ABHD17B: variants seen among roughly 807,000 people sequenced by gnomAD.
ABHD17B encodes abhydrolase domain containing 17B, depalmitoylase.
ABHD17B carries 9 observed loss-of-function variants against 26.2 expected under a neutral mutation model. That is an observed-to-expected ratio of 0.34 (90% CI 0.21 to 0.60). The LOEUF is 0.60. Among genes scored for constraint, ABHD17B ranks in the 20% least tolerant of loss-of-function variants. The pLI is 0.80. For synonymous variants in ABHD17B, 127 were observed against 122.3 expected, an observed-to-expected ratio of 1.04 and a Z score of -0.25; for missense variants, 224 against 352.1, an observed-to-expected ratio of 0.64 and a Z score of 2.91.
chr9:71,904,741 G>A (rs567008642), intron 1 of ABHD17B, among the ~76,000 whole-genome samples: 2 of 152,164 alleles, frequency 1.3e-5, no homozygotes, highest in South Asian at 4.1e-4. Context: ...AACAGGTAAA[G>A]TAAAAAAGAG....
chr9:71,865,693 T>A lies in ABHD17B; in HGVS notation c.*1094A>T. 1.5e-6 allele frequency: 1 copy of A among 666,816 alleles called. No individual in the cohort carries two copies. Among genetic ancestry groups the A allele is most frequent in the Non-Finnish European group, 1.9e-6 (1 of 539,444 alleles). 41.3% of individuals were successfully genotyped at this position (666,816 alleles called of 1,614,324 possible). On this transcript the variant is annotated 3_prime_UTR_variant, in exon 4 of 4. Transcript: ENST00000333421. ...CTGATCAACATGGCAAAACCCTGTC[T>A]CTACTAAAAATACAAAAATTAGCCA... is the stretch of plus-strand genomic sequence containing the variant.
chr9:71,881,778 C>T (rs979728953), intron 1 of ABHD17B, among the ~76,000 whole-genome samples: 1 of 151,736 alleles, frequency 6.6e-6, no homozygotes, highest in African/African-American at 2.4e-5. Context: ...CCCAGCTACT[C>T]GGGAGGCTGA....
intron 1 of ABHD17B, among the ~76,000 whole-genome samples, chr9:71,882,440 CCT>C (rs1368023979): frequency 5.9e-5 from 9 of 152,144 alleles, no homozygotes; most frequent in Admixed American, 6.5e-5. Flanking sequence ...GGGAGAATCC[CCT>C]GAGTTCAGGA....
intron 1 of ABHD17B, among the ~76,000 whole-genome samples, chr9:71,906,148 AAG>A (rs1220672240): frequency 1.8e-4 from 27 of 152,216 alleles, no homozygotes; most frequent in Non-Finnish European, 1.3e-4. Context: ...GGGGAACAGA[AAG>A]AGGAAAAAAA....
downstream of ABHD17B, among the ~76,000 whole-genome samples, chr9:71,863,574 T>C (rs1825880262): frequency 6.6e-6 from 1 of 152,192 alleles, no homozygotes; most frequent in African/African-American, 2.4e-5. Flanking sequence ...GACTTTTCAT[T>C]TAAATCTGGA....
At chr9:71,864,692 T>C (rs1047701065), downstream of ABHD17B, among the ~76,000 whole-genome samples, 3 of 152,130 alleles carry the variant, frequency 2.0e-5, no homozygotes, top group East Asian at 5.8e-4. Context: ...CTGCTCCCTA[T>C]GTTCCCCTCC....
downstream of ABHD17B, among the ~76,000 whole-genome samples, chr9:71,864,380 C>T (rs914875497): frequency 2.0e-5 from 3 of 151,582 alleles, no homozygotes; most frequent in Non-Finnish European, 4.4e-5. Flanking sequence ...CCACCACGCC[C>T]AGCTAACTTT....
chr9:71,892,336 T>C (rs930794586), intron 1 of ABHD17B, among the ~76,000 whole-genome samples: 1 of 151,616 alleles, frequency 6.6e-6, no homozygotes, highest in Non-Finnish European at 1.5e-5. Flanking sequence ...ATCGAGACCA[T>C]CCTGGCTAAC....
intron 1 of ABHD17B, among the ~76,000 whole-genome samples, chr9:71,905,283 C>A (rs372796976): frequency 6.6e-6 from 1 of 151,804 alleles, no homozygotes; most frequent in East Asian, 1.9e-4. Flanking sequence ...CCACTACACC[C>A]GGCTAAGTTT....
At chr9:71,871,592 A>G (rs1826115579) in intron 2 of ABHD17B, among the ~76,000 whole-genome samples, 1 of 152,242 alleles carries the variant, frequency 6.6e-6, no homozygotes, top group Non-Finnish European at 1.5e-5. Context: ...TTTGGGCTAC[A>G]GCTAGCAATG....
rs1218578955 is a variant in ABHD17B, at chr9:71,910,614, A to G, written c.-4+20T>C. The G allele has an allele frequency of 2.6e-5, 4 of 151,136 alleles. No individual in the cohort carries two copies. The highest frequency in any genetic ancestry group is 5.9e-5 in the Non-Finnish European group (4 of 67,782). The allele number at this position is 151,136 out of a possible 1,614,324, so 9.4% of individuals were successfully genotyped here. A position where few individuals can be genotyped will look rare whatever the true frequency, so the allele number is the denominator to read the frequency against. Reference sequence around the variant, plus strand: ...CCCGAGCCGGGCTGCGGCGTCCCCAAACCCCGAGGCCGCACGCACCTGCAC... The same window carrying G: ...CCCGAGCCGGGCTGCGGCGTCCCCAGACCCCGAGGCCGCACGCACCTGCAC... On this transcript the variant is annotated intron_variant, in intron 1 of 3. Coordinates refer to ENST00000333421, the MANE Select transcript of ABHD17B (RefSeq NM_001025780.3).
intron 1 of ABHD17B, among the ~76,000 whole-genome samples, chr9:71,898,582 T>A (rs1290569569): frequency 6.6e-6 from 1 of 151,866 alleles, no homozygotes; most frequent in African/African-American, 2.4e-5. Flanking sequence ...AAGGCTGCGG[T>A]GAGCCAAGAT....
Position 71,865,162 on chromosome 9 carries a change from A to G in ABHD17B, c.*1625T>C, listed in dbSNP as rs1564057598. 1.0e-6 allele frequency: 1 copy of G among 985,338 alleles called. No homozygotes were observed. The highest frequency in any genetic ancestry group is 6.2e-5 in the Admixed American group (1 of 16,250). 61.0% of individuals were successfully genotyped at this position (985,338 alleles called of 1,614,324 possible). On this transcript the variant is annotated 3_prime_UTR_variant, in exon 4 of 4. Coordinates refer to ENST00000333421, the MANE Select transcript of ABHD17B (RefSeq NM_001025780.3). Reference sequence around the variant, plus strand: ...GCAAATAAGCACAGGTCAGTGGTATATTTGTTGTTTTACTGTTAATTTGAC... The same window carrying G: ...GCAAATAAGCACAGGTCAGTGGTATGTTTGTTGTTTTACTGTTAATTTGAC...
chr9:71,884,758 C>T (rs950368763), intron 1 of ABHD17B, among the ~76,000 whole-genome samples: 6 of 151,490 alleles, frequency 4.0e-5, no homozygotes, highest in African/African-American at 1.5e-4. Flanking sequence ...TGCTTGCTTA[C>T]AACTGGACAT....
rs534867524 is a variant in ABHD17B at position 71,868,091 on chromosome 9, T to C, written c.648-1085A>G. 2.7e-3 allele frequency among the ~76,000 whole-genome samples: 406 copies of C among 150,690 alleles called. 1 individual carries two copies. The highest frequency in any genetic ancestry group is 4.4e-3 in the Non-Finnish European group (301 of 67,792). On this transcript the variant is annotated intron_variant, in intron 3 of 3. Coordinates refer to ENST00000333421, the MANE Select transcript of ABHD17B (RefSeq NM_001025780.3). The stretch of plus-strand genomic sequence containing the variant: ...AAAATTAGCCAGGCATGATGGCGCA[T>C]GCCTGTAATCCCAGCTACTCGCGAG...
At chr9:71,893,610 G>C (rs955983150) in intron 1 of ABHD17B, among the ~76,000 whole-genome samples, 1 of 152,150 alleles carries the variant, frequency 6.6e-6, no homozygotes, top group Non-Finnish European at 1.5e-5. Context: ...TTGTTAAGTA[G>C]GCAATGATTG....
At chr9:71,884,329 T>G (rs1826541180) in intron 1 of ABHD17B, among the ~76,000 whole-genome samples, 1 of 152,172 alleles carries the variant, frequency 6.6e-6, no homozygotes, top group South Asian at 2.1e-4. Flanking sequence ...GTCCTTTAAG[T>G]GTATCTGAAG....
chr9:71,886,835 T>C (rs904480453), intron 1 of ABHD17B, among the ~76,000 whole-genome samples: 1 of 152,100 alleles, frequency 6.6e-6, no homozygotes, highest in Admixed American at 6.5e-5. Flanking sequence ...CTGGATGAAC[T>C]GCATGCTACA....
rs1453865721 is a variant in ABHD17B at position 71,874,968 on chromosome 9, A to G, written c.113T>C (p.Met38Thr). The G allele has an allele frequency of 2.5e-6, 4 of 1,614,088 alleles. No individual in the cohort carries two copies. Among genetic ancestry groups the G allele is most frequent in the Non-Finnish European group, 8.5e-7 (1 of 1,180,036 alleles). The change falls in exon 2 of 4, where the codon ATG (methionine) becomes ACG (threonine). Residue 38 changes from methionine (M) to threonine (T), a missense_variant. Met to Thr is a moderately conservative substitution (Grantham distance 81). Coordinates refer to ENST00000333421, the MANE Select transcript of ABHD17B (RefSeq NM_001025780.3). ...CCAACGGCTTCCGCTTTCATCACAC[A>G]TCAGTGTGTAAGTTGGATCAGGTGG... ...FLPPDPTYTL[M>T]CDESGSRWTL...
Sources: allele counts gnomAD v4.1 joint callset (sites outside exome capture counted in the v4.1 genomes callset), GRCh38; gene constraint gnomAD v4.1.1; transcripts MANE v1.5; gene names NCBI Gene and HGNC (gene_info 2026-07-23, HGNC 2026-07-21).